ITPRID1: variants seen among roughly 807,000 people sequenced by gnomAD.
ITPRID1 encodes the protein protein ITPRID1.
A neutral mutation model predicts 95.4 loss-of-function variants in ITPRID1; 96 were observed. The ratio of observed to expected loss-of-function variants is 1.01; its 90% CI spans 0.85 to 1.19. The LOEUF (loss-of-function observed/expected upper bound fraction) is 1.19. Among genes scored for constraint, ITPRID1 ranks in the 50% most tolerant of loss-of-function variants. The pLI, the probability that ITPRID1 is intolerant of heterozygous loss-of-function variation, is 0.00. For synonymous variants in ITPRID1, 510 were observed against 453.6 expected (o/e 1.12, Z -1.58); for missense variants, 1,339 against 1,252.9 (o/e 1.07, Z -1.04).
intron 10 of ITPRID1, among the ~76,000 whole-genome samples, chr7:31,605,333 A>C (rs73315476): frequency 2.6e-5 from 4 of 152,086 alleles, no homozygotes; most frequent in Non-Finnish European, 5.9e-5. Flanking sequence ...CACCTCCACA[A>C]TTCCCCTGCT....
chr7:31,594,677 T>C (rs540347784), intron 10 of ITPRID1, among the ~76,000 whole-genome samples: 1 of 152,094 alleles, frequency 6.6e-6, no homozygotes, highest in Non-Finnish European at 1.5e-5. Context: ...GCCAACATGG[T>C]GAAACCCCAT....
In ITPRID1 at chr7:31,542,122, C is replaced by T. The variant is rs114790212; in HGVS notation, c.-97-7304C>T. 9.2e-3 allele frequency among the ~76,000 whole-genome samples: 1,399 copies of T among 152,192 alleles called. 20 individuals carry two copies. The highest frequency in any genetic ancestry group is 0.032 in the African/African-American group (1,324 of 41,522). ...ATGTGTAAATTGTTTTTTCAATAGT[C>T]TTAAATACATGTTACACTATTAACT... is the stretch of plus-strand genomic sequence containing the variant. On this transcript the variant is annotated intron_variant, in intron 1 of 14. Coordinates refer to ENST00000615280, the MANE Select transcript of ITPRID1 (RefSeq NM_001257967.3).
At chr7:31,657,434 T>C (rs534397152), downstream of ITPRID1, among the ~76,000 whole-genome samples, 13 of 152,314 alleles carry the variant, frequency 8.5e-5, no homozygotes, top group African/African-American at 3.1e-4. Context: ...ATAGAAAAAT[T>C]TGAAAAACAT....
At chr7:31,619,530 A>G (rs964033999) in intron 10 of ITPRID1, among the ~76,000 whole-genome samples, 7 of 91,198 alleles carry the variant, frequency 7.7e-5, no homozygotes, top group South Asian at 5.3e-4. Flanking sequence ...TTTATTTTCA[A>G]TCTCCAAAAT....
intron 14 of ITPRID1, among the ~76,000 whole-genome samples, chr7:31,652,267 T>G (rs1228269051): frequency 6.6e-6 from 1 of 152,188 alleles, no homozygotes; most frequent in Non-Finnish European, 1.5e-5. Context: ...CATACCAATC[T>G]TCCCCTTGCC....
intron 10 of ITPRID1, among the ~76,000 whole-genome samples, chr7:31,604,518 C>T (rs1304622204): frequency 2.6e-5 from 4 of 152,130 alleles, no homozygotes; most frequent in African/African-American, 9.7e-5. Context: ...CCCTTCTGTT[C>T]TAAGGGAGTA....
downstream of ITPRID1, among the ~76,000 whole-genome samples, chr7:31,656,849 A>T (rs997391317): frequency 3.3e-5 from 5 of 151,134 alleles, no homozygotes; most frequent in Non-Finnish European, 7.4e-5. Flanking sequence ...AATTCTCCAA[A>T]AAAGAGCATA....
intron 10 of ITPRID1, among the ~76,000 whole-genome samples, chr7:31,639,247 C>A (rs1328611853): frequency 6.6e-6 from 1 of 152,170 alleles, no homozygotes; most frequent in Non-Finnish European, 1.5e-5. Flanking sequence ...CTTGTCTCAT[C>A]ACTTGCTGAT....
At chr7:31,574,471 A>C in intron 7 of ITPRID1, 69 bp from the exon 8 acceptor site, 1 of 1,363,916 alleles carries the variant, frequency 7.3e-7, no homozygotes, top group South Asian at 1.2e-5. Context: ...TGGGTGGATG[A>C]GGTGACCAGA....
chr7:31,579,573 G>A (rs1785319975), intron 9 of ITPRID1, among the ~76,000 whole-genome samples: 1 of 152,146 alleles, frequency 6.6e-6, no homozygotes, highest in Non-Finnish European at 1.5e-5. Flanking sequence ...TATTCCAGGA[G>A]CAAGTAAAGG....
intron 9 of ITPRID1, among the ~76,000 whole-genome samples, chr7:31,580,473 G>A (rs572139779): frequency 1.2e-4 from 19 of 152,092 alleles, no homozygotes; most frequent in African/African-American, 4.3e-4. Flanking sequence ...GTAAGCCATC[G>A]AAATGTCAGA....
At chr7:31,556,468 G>T (rs1158717763) in intron 5 of ITPRID1, among the ~76,000 whole-genome samples, 1 of 152,074 alleles carries the variant, frequency 6.6e-6, no homozygotes, top group African/African-American at 2.4e-5. Context: ...ATGATTGTTG[G>T]TCACAGCTGG....
chr7:31,589,692 G>A (rs1440753698), intron 10 of ITPRID1, among the ~76,000 whole-genome samples: 1 of 152,142 alleles, frequency 6.6e-6, no homozygotes, highest in Non-Finnish European at 1.5e-5. Context: ...GTAACTATGA[G>A]CCAGAAATAT....
intron 10 of ITPRID1, among the ~76,000 whole-genome samples, chr7:31,597,094 A>T (rs894963510): frequency 6.6e-6 from 1 of 152,002 alleles, no homozygotes; most frequent in African/African-American, 2.4e-5. Context: ...TTAAAAACAA[A>T]ACAAAAGAAC....
chr7:31,583,756 T>C (rs1207481481), intron 10 of ITPRID1, among the ~76,000 whole-genome samples: 1 of 152,188 alleles, frequency 6.6e-6, no homozygotes, highest in Non-Finnish European at 1.5e-5. Flanking sequence ...ACTAACTATA[T>C]GATCTGACTA....
intron 10 of ITPRID1, among the ~76,000 whole-genome samples, chr7:31,620,967 C>A (rs1215993115): frequency 6.6e-6 from 1 of 151,854 alleles, no homozygotes; most frequent in Admixed American, 6.6e-5. Flanking sequence ...AATGCAGAAG[C>A]CTCAGGAGCC....
chr7:31,553,920 G>T (rs941965399), intron 3 of ITPRID1, among the ~76,000 whole-genome samples: 4 of 152,182 alleles, frequency 2.6e-5, no homozygotes, highest in Non-Finnish European at 5.9e-5. Context: ...CAATGATAAA[G>T]ATCCACCTTA....
rs575330598 is a variant in ITPRID1 at position 31,570,201 on chromosome 7, CT to C, written c.308+393del. Among the ~76,000 whole-genome samples the C allele has an allele frequency of 2.6e-4, 40 of 152,260 alleles. No individual in the cohort carries two copies. In the South Asian group the frequency reaches 8.1e-3, roughly 31 times the overall value. ...ACAACAATATATACAATTTCCAATG[CT>C]AGGTAGAAAGCAGTGAGAGTCTCTT... On this transcript the variant is annotated intron_variant, in intron 6 of 14. Coordinates refer to ENST00000615280, the MANE Select transcript of ITPRID1 (RefSeq NM_001257967.3).
chr7:31,627,739 G>T (rs1788608245), intron 10 of ITPRID1, among the ~76,000 whole-genome samples: 1 of 150,190 alleles, frequency 6.7e-6, no homozygotes, highest in African/African-American at 2.5e-5. Flanking sequence ...GGAAAGCAGT[G>T]TCTCAGTCCT....
Sources: allele counts gnomAD v4.1 joint callset (sites outside exome capture counted in the v4.1 genomes callset), GRCh38; gene constraint gnomAD v4.1.1; transcripts MANE v1.5; gene names NCBI Gene and HGNC (gene_info 2026-07-23, HGNC 2026-07-21).